SLC24A2: variants seen among roughly 807,000 people sequenced by gnomAD.
The protein encoded by SLC24A2 is sodium/potassium/calcium exchanger 2.
SLC24A2 carries 36 observed loss-of-function variants against 62.0 expected under a neutral mutation model. The ratio of observed to expected loss-of-function variants is 0.58; its 90% CI spans 0.44 to 0.77. The LOEUF (loss-of-function observed/expected upper bound fraction) is 0.77, where lower values mean the gene tolerates loss of function less well. SLC24A2 is among the 30% of genes least tolerant of loss of function. The pLI is 0.00. For missense variants in SLC24A2, 846 were observed against 817.9 expected (o/e 1.03, Z -0.42); for synonymous variants, 358 against 294.0 (o/e 1.22, Z -2.23).
intron 2 of SLC24A2, among the ~76,000 whole-genome samples, chr9:19,762,426 G>A (rs1822365741): frequency 6.6e-6 from 1 of 152,128 alleles, no homozygotes; most frequent in South Asian, 2.1e-4. Context: ...TTCTTCTAGG[G>A]TTTTTATGGT....
At chr9:19,538,947 C>T (rs1314821922) in intron 8 of SLC24A2, among the ~76,000 whole-genome samples, 66 of 132,034 alleles carry the variant, frequency 5.0e-4, no homozygotes, top group Non-Finnish European at 7.7e-4. Context: ...GTGTATGTGT[C>T]GAGGAATTTA....
At chr9:20,193,531 T>G in the SLC24A2 span, among the ~76,000 whole-genome samples, 1 of 152,060 alleles carries the variant, frequency 6.6e-6, no homozygotes, top group South Asian at 2.1e-4. Context: ...TAATGTATTT[T>G]AACACCCAAC....
At chr9:20,101,597 T>C in the SLC24A2 span, among the ~76,000 whole-genome samples, 1 of 152,086 alleles carries the variant, frequency 6.6e-6, no homozygotes, top group African/African-American at 2.4e-5. Context: ...AACTCAGACA[T>C]CTCTGGGGTG....
the SLC24A2 span, among the ~76,000 whole-genome samples, chr9:20,305,154 G>A: frequency 2.1e-5 from 3 of 143,910 alleles, no homozygotes; most frequent in Admixed American, 1.4e-4. Context: ...CTGTCACCAC[G>A]CTGGAGTGCA....
the SLC24A2 span, among the ~76,000 whole-genome samples, chr9:19,878,217 C>T: frequency 6.6e-6 from 1 of 152,086 alleles, no homozygotes; most frequent in Non-Finnish European, 1.5e-5. Context: ...CTGCAGTTTG[C>T]AGCAATCCTG....
At chr9:20,228,625 A>C in the SLC24A2 span, among the ~76,000 whole-genome samples, 3 of 152,136 alleles carry the variant, frequency 2.0e-5, no homozygotes, top group East Asian at 5.8e-4. Context: ...CTAAGAGAGA[A>C]GAAGGGTGAA....
At chr9:19,613,137 T>C (rs1349467457) in intron 4 of SLC24A2, among the ~76,000 whole-genome samples, 1 of 152,200 alleles carries the variant, frequency 6.6e-6, no homozygotes, top group East Asian at 1.9e-4. Flanking sequence ...AATACTACCA[T>C]ATAGTAGACC....
chr9:19,616,035 C>CACAT (rs757722096), intron 4 of SLC24A2, among the ~76,000 whole-genome samples: 1 of 134,912 alleles, frequency 7.4e-6, no homozygotes, highest in African/African-American at 2.7e-5. Flanking sequence ...CACACACACA[C>CACAT]ACAGTTGCAT....
the SLC24A2 span, among the ~76,000 whole-genome samples, chr9:19,912,659 C>G: frequency 6.6e-6 from 1 of 152,154 alleles, no homozygotes; most frequent in Non-Finnish European, 1.5e-5. Context: ...TTAGTTTTCA[C>G]ATCGTTTATA....
At chr9:19,969,770 T>C in the SLC24A2 span, among the ~76,000 whole-genome samples, 82,848 of 152,044 alleles carry the variant, frequency 0.54, 23,382 homozygotes, top group Non-Finnish European at 0.6. Flanking sequence ...TCATAGAGCT[T>C]GTAAGTGACT....
At chr9:19,835,104 C>T in the SLC24A2 span, among the ~76,000 whole-genome samples, 1 of 152,028 alleles carries the variant, frequency 6.6e-6, no homozygotes, top group Non-Finnish European at 1.5e-5. Context: ...ACAACCAGTA[C>T]CAGCCACTGC....
intron 7 of SLC24A2, among the ~76,000 whole-genome samples, chr9:19,561,489 C>T (rs894577443): frequency 1.4e-5 from 2 of 145,164 alleles, no homozygotes; most frequent in Non-Finnish European, 3.0e-5. Context: ...GGCTGCAATG[C>T]AGTGGTGTGA....
At chr9:20,201,041 C>A in the SLC24A2 span, among the ~76,000 whole-genome samples, 11 of 152,232 alleles carry the variant, frequency 7.2e-5, no homozygotes, top group Non-Finnish European at 1.3e-4. Context: ...CAGTTTGCAT[C>A]TCCCAGTACC....
At chr9:20,001,949 A>C in the SLC24A2 span, among the ~76,000 whole-genome samples, 16 of 152,306 alleles carry the variant, frequency 1.1e-4, no homozygotes, top group Non-Finnish European at 2.1e-4. Flanking sequence ...AGAATACTAA[A>C]GGTAAGAATA....
At chr9:20,131,600 T>A in the SLC24A2 span, among the ~76,000 whole-genome samples, 1 of 152,144 alleles carries the variant, frequency 6.6e-6, no homozygotes, top group African/African-American at 2.4e-5. Flanking sequence ...GAGGGAAAGC[T>A]GTGAGCCATA....
intron 2 of SLC24A2, among the ~76,000 whole-genome samples, chr9:19,656,110 C>A (rs1453930593): frequency 6.6e-6 from 1 of 152,182 alleles, no homozygotes; most frequent in African/African-American, 2.4e-5. Flanking sequence ...AGATTCAATA[C>A]TGTGAACCAG....
chr9:19,691,204 T>C lies in SLC24A2; in HGVS notation c.931-68905A>G, dbSNP rs17492905. Among the ~76,000 whole-genome samples the C allele has an allele frequency of 7.6e-3, 1,159 of 152,186 alleles. 7 individuals are homozygous for C. Among genetic ancestry groups the C allele is most frequent in the Non-Finnish European group, 0.012 (813 of 67,996 alleles). On this transcript the variant is annotated intron_variant, in intron 2 of 10. Transcript: ENST00000341998. ...GATGCACCTGCATGTAAGGGAAACT[T>C]TGGAAGGGTCTTTAACTACCTCAAC...
At chr9:20,226,882 T>G in the SLC24A2 span, among the ~76,000 whole-genome samples, 2 of 152,216 alleles carry the variant, frequency 1.3e-5, no homozygotes, top group African/African-American at 4.8e-5. Context: ...GCCAGCGAAG[T>G]AGGCTCTGAC....
At chr9:19,539,087 TTC>T (rs1280553839) in intron 8 of SLC24A2, among the ~76,000 whole-genome samples, 14 of 74,922 alleles carry the variant, frequency 1.9e-4, no homozygotes, top group African/African-American at 6.0e-4. Context: ...TATTTGATTC[TTC>T]TCTCTTTTTT....
Sources: gnomAD v4.1 joint callset for allele counts (sites outside exome capture counted in the v4.1 genomes callset) on GRCh38, gnomAD v4.1.1 for gene constraint, MANE v1.5 for transcripts, NCBI Gene and HGNC (gene_info 2026-07-23, HGNC 2026-07-21) for gene names.